Variants in CACNA1C observed in about 807,000 individuals in gnomAD.
CACNA1C encodes voltage-dependent L-type calcium channel subunit alpha-1C.
A neutral mutation model predicts 229.0 loss-of-function variants in CACNA1C; 30 were observed. That is an observed-to-expected ratio of 0.13 (90% CI 0.10 to 0.18). CACNA1C has a LOEUF of 0.18. Among genes scored for constraint, CACNA1C ranks in the 10% least tolerant of loss-of-function variants. CACNA1C has a pLI of 1.00. For missense variants in CACNA1C, 1,658 were observed against 2,845.0 expected (o/e 0.58, Z 9.49); for synonymous variants, 1,114 against 1,132.5 (o/e 0.98, Z 0.33).
chr12:2,310,756 C>G (rs945281328), intron 3 of CACNA1C, among the ~76,000 whole-genome samples: 1 of 152,176 alleles, frequency 6.6e-6, no homozygotes, highest in African/African-American at 2.4e-5. Context: ...TGAGAGATGC[C>G]AAGGAGCTGG....
chr12:2,610,717 C>T lies in CACNA1C; in HGVS notation c.3717+18C>T. On this transcript the variant is annotated intron_variant, in intron 28 of 46. Transcript: ENST00000399655. ...CCATGCAGGTCAGTCCCAGGAGGAG[C>T]ACAGCCATGGTGCTGCAGAAGGGAG... 6.2e-7 allele frequency: 1 copy of T among 1,613,724 alleles called. No individual in the cohort carries two copies. The highest frequency in any genetic ancestry group is 1.7e-5 in the Admixed American group (1 of 60,032).
chr12:2,299,269 G>C (rs1324296931), intron 3 of CACNA1C, among the ~76,000 whole-genome samples: 1 of 152,162 alleles, frequency 6.6e-6, no homozygotes, highest in East Asian at 1.9e-4. Flanking sequence ...GGACATCAGG[G>C]GGTGTGGTTT....
intron 1 of CACNA1C, among the ~76,000 whole-genome samples, chr12:1,975,668 T>G (rs1460410368): frequency 4.6e-5 from 7 of 152,178 alleles, no homozygotes; most frequent in Admixed American, 3.3e-4. Flanking sequence ...TCAATCTGAA[T>G]AGCATTACTA....
At chr12:2,232,227 G>GT (rs1169407536) in intron 3 of CACNA1C, among the ~76,000 whole-genome samples, 5,195 of 73,512 alleles carry the variant, frequency 0.071, 228 homozygotes, top group East Asian at 0.21. Flanking sequence ...GTCTTTCCTT[G>GT]TTTTTTTTTT....
At chr12:2,401,980 A>G (rs2098686034) in intron 3 of CACNA1C, among the ~76,000 whole-genome samples, 1 of 152,280 alleles carries the variant, frequency 6.6e-6, no homozygotes, top group Non-Finnish European at 1.5e-5. Flanking sequence ...TGAGGACCTC[A>G]TTCTTTAAAA....
Position 2,566,608 on chromosome 12 carries a change from T to C in CACNA1C, c.1669+26T>C. On this transcript the variant is annotated intron_variant, in intron 12 of 46. Transcript: ENST00000399655. The surrounding 1 kb of genome is among the most constrained non-coding windows in gnomAD (Gnocchi z 4.0). Reference sequence around the variant, plus strand: ...GTGAGCGGCGGCCCCAGCTCTGCTCTGGTTTCCTCCTGGTAACTCAGCCCC... The same window carrying C: ...GTGAGCGGCGGCCCCAGCTCTGCTCCGGTTTCCTCCTGGTAACTCAGCCCC... 6.4e-7 allele frequency: 1 copy of C among 1,570,870 alleles called. No individual in the cohort carries two copies. Among genetic ancestry groups the C allele is most frequent in the Non-Finnish European group, 8.6e-7 (1 of 1,157,386 alleles).
Position 2,677,035 on chromosome 12 carries a change from AG to A in CACNA1C, c.4829-58del, listed in dbSNP as rs931747278. 3 of 1,433,112 alleles carry A rather than the reference AG, an allele frequency of 2.1e-6. No homozygotes were observed. The African/African-American group carries it at 4.3e-5, about 20-fold the overall frequency. The allele number at this position is 1,433,112 out of a possible 1,614,324, so 88.8% of individuals were successfully genotyped here. A position where few individuals can be genotyped will look rare whatever the true frequency, so the allele number is the denominator to read the frequency against. On this transcript the variant is annotated intron_variant, in intron 39 of 46. Transcript: ENST00000399655. The surrounding 1 kb of genome is among the most constrained non-coding windows in gnomAD (Gnocchi z 7.4). ...GGATGCTGAAAAAAAAAATGAATGA[AG>A]TTCAACTGAATTCCCCTGCTCCCCT...
chr12:2,314,703 A>G (rs1365221662), intron 3 of CACNA1C, among the ~76,000 whole-genome samples: 1 of 152,092 alleles, frequency 6.6e-6, no homozygotes, highest in Non-Finnish European at 1.5e-5. Flanking sequence ...TCCATTGTTC[A>G]TGTTCATCAG....
rs140923573 is a variant in CACNA1C at position 2,057,648 on chromosome 12, G to A, written c.49+4037G>A. On this transcript the variant is annotated intron_variant, in intron 1 of 46. Coordinates refer to ENST00000399655, the MANE Select transcript of CACNA1C (RefSeq NM_000719.7). ...CCCTGTTGTAATGAGAACTCCTTTG[G>A]AGCCCACCCAGTCCGTCGCAGGCTC... Among the ~76,000 whole-genome samples, 6 of 152,300 alleles carry A rather than the reference G, an allele frequency of 3.9e-5. No individual in the cohort carries two copies. In the East Asian group the frequency reaches 1.2e-3, roughly 29 times the overall value.
chr12:2,423,197 T>G (rs1382959635), intron 3 of CACNA1C, among the ~76,000 whole-genome samples: 1 of 152,132 alleles, frequency 6.6e-6, no homozygotes, highest in Non-Finnish European at 1.5e-5. Context: ...AGCTGCACTT[T>G]GGGACGGATG....
chr12:2,500,455 T>G (rs1322276688), intron 7 of CACNA1C, among the ~76,000 whole-genome samples: 2 of 152,052 alleles, frequency 1.3e-5, no homozygotes, highest in African/African-American at 4.8e-5. Flanking sequence ...TTCACAAAAT[T>G]TAAGGGGTGT....
At chr12:2,549,775 A>T (rs2154592081) in intron 9 of CACNA1C, among the ~76,000 whole-genome samples, 168 bp from the exon 10 acceptor site, 1 of 152,292 alleles carries the variant, frequency 6.6e-6, no homozygotes, top group Admixed American at 6.5e-5. Context: ...CAACCAGCAG[A>T]TGTGTCCATC....
intron 3 of CACNA1C, among the ~76,000 whole-genome samples, chr12:2,183,537 A>G (rs1272588594): frequency 6.6e-6 from 1 of 152,198 alleles, no homozygotes; most frequent in African/African-American, 2.4e-5. Flanking sequence ...CTAACAATAT[A>G]TACCAACAAA....
At chr12:2,267,026 A>G (rs1246329791) in intron 3 of CACNA1C, among the ~76,000 whole-genome samples, 4 of 152,182 alleles carry the variant, frequency 2.6e-5, no homozygotes, top group East Asian at 3.8e-4. Flanking sequence ...TAAAACCTCC[A>G]TAAAATGTAG....
rs114826358 is a variant in CACNA1C, at chr12:2,319,625, C to T, written c.478-129351C>T. 8.2e-3 allele frequency among the ~76,000 whole-genome samples: 1,252 copies of T among 152,204 alleles called. 15 individuals carry two copies. Among genetic ancestry groups the T allele is most frequent in the African/African-American group, 0.029 (1,199 of 41,520 alleles). On this transcript the variant is annotated intron_variant, in intron 3 of 46. Coordinates refer to ENST00000399655, the MANE Select transcript of CACNA1C (RefSeq NM_000719.7). This position sits in a 1 kb window ranked among gnomAD's most constrained non-coding sequence, Gnocchi z 4.0. ...TTTCTGGAGGTCTCCACACACCCTCCGGGCAGACCTCATCTTCTTCAGACA... is the reference window on the plus strand; with the variant it reads ...TTTCTGGAGGTCTCCACACACCCTCTGGGCAGACCTCATCTTCTTCAGACA...
intron 3 of CACNA1C, among the ~76,000 whole-genome samples, chr12:2,189,835 G>T (rs1179650962): frequency 6.6e-6 from 1 of 152,100 alleles, no homozygotes; most frequent in Non-Finnish European, 1.5e-5. Context: ...AGTACTTGAG[G>T]CAATTATCTA....
At chr12:2,021,166 A>C (rs997443424) in intron 1 of CACNA1C, among the ~76,000 whole-genome samples, 1 of 152,216 alleles carries the variant, frequency 6.6e-6, no homozygotes, top group African/African-American at 2.4e-5. Flanking sequence ...GATAATAACC[A>C]ACTGCAAATA....
intron 34 of CACNA1C, among the ~76,000 whole-genome samples, chr12:2,657,093 C>T (rs577425125): frequency 3.6e-4 from 55 of 152,230 alleles, no homozygotes; most frequent in Admixed American, 7.2e-4. Flanking sequence ...CAACATAAGT[C>T]TTCCCTGGAG....
At chr12:2,333,856 T>G (rs140214544) in intron 3 of CACNA1C, among the ~76,000 whole-genome samples, 1 of 152,252 alleles carries the variant, frequency 6.6e-6, no homozygotes, top group East Asian at 1.9e-4. Flanking sequence ...TCACAAGAAC[T>G]CCCTAAGAAA....
Sources: gnomAD v4.1 joint callset for allele counts (sites outside exome capture counted in the v4.1 genomes callset) on GRCh38, gnomAD v4.1.1 for gene constraint, Gnocchi (gnomAD v3.1) non-coding constraint, MANE v1.5 for transcripts, NCBI Gene and HGNC (gene_info 2026-07-23, HGNC 2026-07-21) for gene names.